Variants in GALNT18 observed in about 807,000 individuals in gnomAD.
The protein encoded by GALNT18 is GalNAc-transferase 18.
In GALNT18, 44 loss-of-function variants were observed where a neutral mutation model predicts 69.5. That is an observed-to-expected ratio of 0.63 (90% CI 0.50 to 0.81). The LOEUF is 0.81. Among genes scored for constraint, GALNT18 ranks in the 40% least tolerant of loss-of-function variants. The probability of loss-of-function intolerance (pLI) is 0.00; values close to 1 mark genes in which losing one functional copy is unlikely to be tolerated. For synonymous variants in GALNT18, 364 were observed against 318.2 expected (o/e 1.14, Z -1.53); for missense variants, 715 against 810.0 (o/e 0.88, Z 1.42).
rs1362801332 is a variant in GALNT18, at chr11:11,356,006, T to G, written c.1093-15002A>C. ...TAGAAAAACTTGTGTGCAGGGGTAA[T>G]TTCTGGATACCAAACTTTATAGAAA... On this transcript the variant is annotated intron_variant, in intron 6 of 10. Coordinates refer to ENST00000227756, the MANE Select transcript of GALNT18 (RefSeq NM_198516.3). The surrounding 1 kb of genome is among the most constrained non-coding windows in gnomAD (Gnocchi z 4.4). 6.6e-6 allele frequency among the ~76,000 whole-genome samples: 1 copy of G among 152,206 alleles called. No homozygotes were observed. Among genetic ancestry groups the G allele is most frequent in the African/African-American group, 2.4e-5 (1 of 41,452 alleles).
chr11:11,466,410 T>C (rs1189662038), intron 1 of GALNT18, among the ~76,000 whole-genome samples: 1 of 152,242 alleles, frequency 6.6e-6, no homozygotes, highest in African/African-American at 2.4e-5. Flanking sequence ...TCAAAGTACA[T>C]GTGCCACTTG....
chr11:11,539,006 T>C (rs768268654), intron 1 of GALNT18, among the ~76,000 whole-genome samples: 2 of 152,158 alleles, frequency 1.3e-5, no homozygotes, highest in Admixed American at 6.5e-5. Flanking sequence ...CCTAACTATC[T>C]TGTTCTCTGT....
chr11:11,506,508 T>C (rs1422983578), intron 1 of GALNT18, among the ~76,000 whole-genome samples: 1 of 152,144 alleles, frequency 6.6e-6, no homozygotes, highest in African/African-American at 2.4e-5. Flanking sequence ...CAGGGCGACT[T>C]CCCAGAGTGC....
chr11:11,367,791 T>C (rs1589943249), intron 6 of GALNT18, among the ~76,000 whole-genome samples: 2 of 152,252 alleles, frequency 1.3e-5, no homozygotes, highest in African/African-American at 2.4e-5. Context: ...TATTTCAGTA[T>C]CAGAAATTTA....
At chr11:11,286,103 C>T (rs1849187894) in intron 10 of GALNT18, among the ~76,000 whole-genome samples, 1 of 152,152 alleles carries the variant, frequency 6.6e-6, no homozygotes, top group Non-Finnish European at 1.5e-5. Context: ...GGTGTCTGCC[C>T]TGCATACCCT....
rs1017137389 is a variant in GALNT18 at position 11,606,232 on chromosome 11, T to C, written c.235+15127A>G. On this transcript the variant is annotated intron_variant, in intron 1 of 10. Transcript: ENST00000227756. This position sits in a 1 kb window ranked among gnomAD's most constrained non-coding sequence, Gnocchi z 5.4. Reference sequence around the variant, plus strand: ...ACTCAGCAAACTCCTACCTAGCCCCTACTGTATACCTGGCACTGTGTGACA... The same window carrying C: ...ACTCAGCAAACTCCTACCTAGCCCCCACTGTATACCTGGCACTGTGTGACA... 6.6e-6 allele frequency among the ~76,000 whole-genome samples: 1 copy of C among 152,164 alleles called. No homozygotes were observed. Among genetic ancestry groups the C allele is most frequent in the Non-Finnish European group, 1.5e-5 (1 of 68,042 alleles).
chr11:11,382,519 T>C lies in GALNT18; in HGVS notation c.596-3255A>G, dbSNP rs1853944981. Among the ~76,000 whole-genome samples, 1 of 152,156 alleles carries C rather than the reference T, an allele frequency of 6.6e-6. No homozygotes were observed. The highest frequency in any genetic ancestry group is 2.4e-5 in the African/African-American group (1 of 41,422). The stretch of plus-strand genomic sequence containing the variant: ...ATAATATCTCTCAGAACTTCTTAGC[T>C]CCAAAGATTGTGTTTTTGGAGTTGA... On this transcript the variant is annotated intron_variant, in intron 3 of 10. Transcript: ENST00000227756. This position sits in a 1 kb window ranked among gnomAD's most constrained non-coding sequence, Gnocchi z 4.3.
chr11:11,449,760 G>A (rs952245415), intron 1 of GALNT18, among the ~76,000 whole-genome samples: 2 of 152,336 alleles, frequency 1.3e-5, no homozygotes, highest in Admixed American at 6.5e-5. Flanking sequence ...CCATAGCACA[G>A]TCAACCTCCC....
chr11:11,537,672 C>T (rs772515073), intron 1 of GALNT18, among the ~76,000 whole-genome samples: 4 of 152,188 alleles, frequency 2.6e-5, no homozygotes, highest in Non-Finnish European at 5.9e-5. Flanking sequence ...AGTCCTTGGA[C>T]TTGCCACAAC....
rs1197095326 is a variant in GALNT18 at position 11,270,932 on chromosome 11, T to G, written c.*212A>C. ...AAATATTTTCCATCTGTCCCCTATT[T>G]ACAACTGCAAAATAGTTTGATATCA... On this transcript the variant is annotated 3_prime_UTR_variant, in exon 11 of 11. Coordinates refer to ENST00000227756, the MANE Select transcript of GALNT18 (RefSeq NM_198516.3). 1 of 458,090 alleles carries G rather than the reference T, an allele frequency of 2.2e-6. No individual in the cohort carries two copies. The highest frequency in any genetic ancestry group is 3.9e-6 in the Non-Finnish European group (1 of 256,698). 28.4% of individuals were successfully genotyped at this position (458,090 alleles called of 1,614,324 possible).
At chr11:11,287,699 C>CACAA (rs1849218990) in intron 10 of GALNT18, among the ~76,000 whole-genome samples, 3 of 152,182 alleles carry the variant, frequency 2.0e-5, no homozygotes, top group South Asian at 2.1e-4. Flanking sequence ...CTGGAGGAAT[C>CACAA]ACAAACAGGA....
At chr11:11,419,623 G>GAAAA (rs1854951455) in intron 3 of GALNT18, among the ~76,000 whole-genome samples, 4 of 107,068 alleles carry the variant, frequency 3.7e-5, no homozygotes, top group Non-Finnish European at 5.6e-5. Context: ...AAAAAAAAAA[G>GAAAA]AAAGAAGGAA....
intron 9 of GALNT18, among the ~76,000 whole-genome samples, chr11:11,299,909 T>C (rs1849464997): frequency 1.3e-5 from 2 of 152,238 alleles, no homozygotes; most frequent in South Asian, 4.1e-4. Context: ...TATTTTTCAA[T>C]CATCCAATCC....
chr11:11,458,334 G>A (rs751130281), intron 1 of GALNT18, among the ~76,000 whole-genome samples: 1 of 152,104 alleles, frequency 6.6e-6, no homozygotes, highest in Non-Finnish European at 1.5e-5. Flanking sequence ...TTTAAAAGCG[G>A]CTTTATTGAG....
At chr11:11,594,385 G>T (rs1197101413) in intron 1 of GALNT18, among the ~76,000 whole-genome samples, 1 of 152,138 alleles carries the variant, frequency 6.6e-6, no homozygotes, top group Non-Finnish European at 1.5e-5. Flanking sequence ...GATTCACAGA[G>T]CTGTGCACTC....
At chr11:11,379,359 G>GA (rs1853853907) in intron 3 of GALNT18, 95 bp from the exon 4 acceptor site, 15 of 1,231,006 alleles carry the variant, frequency 1.2e-5, no homozygotes, top group Non-Finnish European at 1.7e-5. Context: ...GACCCCCAGA[G>GA]AAAGGCTGGG....
chr11:11,547,563 G>A (rs1204080729), intron 1 of GALNT18, among the ~76,000 whole-genome samples: 3 of 152,140 alleles, frequency 2.0e-5, no homozygotes, highest in African/African-American at 7.2e-5. Context: ...GCTGCAGGAA[G>A]CCCCTCTTTG....
At chr11:11,313,377 C>T (rs996212498) in intron 9 of GALNT18, among the ~76,000 whole-genome samples, 9 of 152,198 alleles carry the variant, frequency 5.9e-5, no homozygotes, top group African/African-American at 2.2e-4. Context: ...ATCTTAGAAA[C>T]CTGCCATCAG....
At chr11:11,489,258 G>A (rs1190693578) in intron 1 of GALNT18, among the ~76,000 whole-genome samples, 1 of 152,214 alleles carries the variant, frequency 6.6e-6, no homozygotes, top group Non-Finnish European at 1.5e-5. Flanking sequence ...ACACATGGGT[G>A]GAAATAGCTT....
Sources: allele counts gnomAD v4.1 joint callset (sites outside exome capture counted in the v4.1 genomes callset), GRCh38; gene constraint gnomAD v4.1.1; non-coding constraint Gnocchi (gnomAD v3.1); transcripts MANE v1.5; gene names NCBI Gene and HGNC (gene_info 2026-07-23, HGNC 2026-07-21).